EPB41L1: variants seen among roughly 807,000 people sequenced by gnomAD.
EPB41L1 encodes erythrocyte membrane protein band 4.1 like 1.
Under a neutral mutation model 97.8 loss-of-function variants are expected in EPB41L1, and 29 were observed. The ratio of observed to expected loss-of-function variants is 0.30; its 90% CI spans 0.22 to 0.40. The LOEUF (loss-of-function observed/expected upper bound fraction) is 0.40, where lower values mean the gene tolerates loss of function less well. EPB41L1 is among the 10% of genes least tolerant of loss of function. The probability of loss-of-function intolerance (pLI) is 1.00; values close to 1 mark genes in which losing one functional copy is unlikely to be tolerated. For synonymous variants in EPB41L1, 383 were observed against 459.2 expected, an observed-to-expected ratio of 0.83 and a Z score of 2.12; for missense variants, 812 against 1,162.3, an observed-to-expected ratio of 0.70 and a Z score of 4.38.
At chr20:36,219,341 A>G (rs1230747718) in intron 18 of EPB41L1, among the ~76,000 whole-genome samples, 2 of 152,140 alleles carry the variant, frequency 1.3e-5, no homozygotes, top group Non-Finnish European at 2.9e-5. Context: ...AGTGACCCTG[A>G]GTCTGTCACT....
In EPB41L1 at chr20:36,195,236, G is replaced by A; in HGVS notation, c.1450-93G>A. 6.6e-7 allele frequency: 1 copy of A among 1,517,116 alleles called. No individual in the cohort carries two copies. The highest frequency in any genetic ancestry group is 9.1e-7 in the Non-Finnish European group (1 of 1,096,154). 94.0% of individuals were successfully genotyped at this position (1,517,116 alleles called of 1,614,324 possible). ...CACTTGGTCGAGTGTGCGTGCTCTGGGCTCCTTGCTGGACCAAGCCCATCG... is the reference window on the plus strand; with the variant it reads ...CACTTGGTCGAGTGTGCGTGCTCTGAGCTCCTTGCTGGACCAAGCCCATCG... On this transcript the variant is annotated intron_variant, in intron 12 of 21. Coordinates refer to ENST00000338074, the MANE Select transcript of EPB41L1 (RefSeq NM_012156.2). The surrounding 1 kb of genome is among the most constrained non-coding windows in gnomAD (Gnocchi z 4.6).
rs1027378423 is a variant in EPB41L1 at position 36,092,624 on chromosome 20, G to A, written c.-65+1012G>A. 1.3e-5 allele frequency: 2 copies of A among 151,662 alleles called. No homozygotes were observed. Among genetic ancestry groups the A allele is most frequent in the African/African-American group, 4.8e-5 (2 of 41,348 alleles). 9.4% of individuals were successfully genotyped at this position (151,662 alleles called of 1,614,324 possible). On this transcript the variant is annotated intron_variant, in intron 1 of 19. Transcript: ENST00000202028. This position sits in a 1 kb window ranked among gnomAD's most constrained non-coding sequence, Gnocchi z 7.0. ...GGGGAGCCGGCCGGGGCGGGGCGGA[G>A]CGGCGAGAGGGGGTGTGGGGGGCGG...
At chr20:36,203,038 C>T (rs891132847) in intron 14 of EPB41L1, among the ~76,000 whole-genome samples, 1 of 152,150 alleles carries the variant, frequency 6.6e-6, no homozygotes, top group Non-Finnish European at 1.5e-5. Context: ...AGCAAGGCAC[C>T]GACGGTCCCC....
At chr20:36,173,188 G>A (rs540243247) in intron 1 of EPB41L1, among the ~76,000 whole-genome samples, 7 of 152,294 alleles carry the variant, frequency 4.6e-5, no homozygotes, top group African/African-American at 1.2e-4. Context: ...TCAAGCCTGC[G>A]CGTTTTTTTG....
At chr20:36,205,760 T>C (rs1017665962) in intron 14 of EPB41L1, 1 of 1,179,032 alleles carries the variant, frequency 8.5e-7, no homozygotes, top group African/African-American at 1.6e-5. Context: ...CAGTGGTAGA[T>C]TGGTCCCCTC....
intron 6 of EPB41L1, among the ~76,000 whole-genome samples, chr20:36,183,855 G>A (rs2061568099): frequency 6.6e-6 from 1 of 152,116 alleles, no homozygotes; most frequent in African/African-American, 2.4e-5. Context: ...GCACACTGAG[G>A]CTGCACATAC....
intron 5 of EPB41L1, among the ~76,000 whole-genome samples, chr20:36,178,927 G>A (rs1407730722): frequency 5.9e-5 from 9 of 151,948 alleles, no homozygotes; most frequent in Admixed American, 5.9e-4. Context: ...TGGGCGTGGT[G>A]GCGGGTGCTT....
chr20:36,169,906 T>G (rs2060912789), intron 1 of EPB41L1, among the ~76,000 whole-genome samples: 1 of 152,214 alleles, frequency 6.6e-6, no homozygotes, highest in South Asian at 2.1e-4. Context: ...CTTCCCACAC[T>G]GCAGCCAGCT....
At chr20:36,219,738 TG>T (rs1569365703) in intron 18 of EPB41L1, 22 bp from the exon 19 acceptor site, 1 of 1,607,784 alleles carries the variant, frequency 6.2e-7, no homozygotes, top group Non-Finnish European at 8.5e-7. Flanking sequence ...ACACCCTGGG[TG>T]GGGGGTGGTT....
At chr20:36,203,383 G>C (rs960342433) in intron 14 of EPB41L1, among the ~76,000 whole-genome samples, 1 of 152,236 alleles carries the variant, frequency 6.6e-6, no homozygotes, top group Non-Finnish European at 1.5e-5. Flanking sequence ...CTCAGACAAA[G>C]GGCTGGCATT....
intron 12 of EPB41L1, 73 bp downstream of exon 12, chr20:36,194,433 G>T: frequency 6.5e-7 from 1 of 1,541,544 alleles, no homozygotes; most frequent in South Asian, 1.2e-5. Context: ...CCTCGGCCTT[G>T]ACCTTCACAT....
chr20:36,225,999 C>T (rs772737882), intron 21 of EPB41L1, among the ~76,000 whole-genome samples: 1 of 152,212 alleles, frequency 6.6e-6, no homozygotes, highest in Non-Finnish European at 1.5e-5. Context: ...GTAAAGGTCA[C>T]CTTGTTTATG....
At chr20:36,160,539 G>A (rs572166167) in intron 1 of EPB41L1, among the ~76,000 whole-genome samples, 1 of 151,636 alleles carries the variant, frequency 6.6e-6, no homozygotes, top group African/African-American at 2.4e-5. Context: ...GCAGTGAGCC[G>A]AGATTGCGCC....
chr20:36,229,418 C>G lies in EPB41L1; in HGVS notation c.*78C>G. On this transcript the variant is annotated 3_prime_UTR_variant, in exon 22 of 22. Coordinates refer to ENST00000338074, the MANE Select transcript of EPB41L1 (RefSeq NM_012156.2). ...TAAGAAGGGGCCTTCATTCTGGATT[C>G]TCCGACGCAACACTGACGTCCCAGC... The G allele has an allele frequency of 1.4e-6, 2 of 1,467,578 alleles. No homozygotes were observed. Among genetic ancestry groups the G allele is most frequent in the Non-Finnish European group, 1.9e-6 (2 of 1,048,734 alleles). The allele number at this position is 1,467,578 out of a possible 1,614,324, so 90.9% of individuals were successfully genotyped here.
chr20:36,110,580 TAC>T (rs150633888), intron 1 of EPB41L1: 13 of 148,582 alleles, frequency 8.7e-5, no homozygotes, highest in South Asian at 4.2e-4. Context: ...TTGCATTTGT[TAC>T]ACACACACAC....
intron 2 of EPB41L1, among the ~76,000 whole-genome samples, chr20:36,122,143 C>T (rs1239880470): frequency 1.3e-5 from 2 of 152,228 alleles, no homozygotes; most frequent in Non-Finnish European, 2.9e-5. Flanking sequence ...CATTTTATCC[C>T]GATGCTATGG....
rs769375731 is a variant in EPB41L1 at position 36,198,000 on chromosome 20, G to T, written c.1627G>T (p.Ala543Ser). 8.7e-7 allele frequency: 1 copy of T among 1,151,934 alleles called. No homozygotes were observed. Among genetic ancestry groups the T allele is most frequent in the Admixed American group, 1.9e-5 (1 of 53,190 alleles). 71.4% of individuals were successfully genotyped at this position (1,151,934 alleles called of 1,614,324 possible). The stretch of plus-strand genomic sequence containing the variant: ...GGAGCGCAGGCTGCCCTCCTCCCCC[G>T]CCTCCCCCTCCCCCAAGGGCACCCC... ...ERERRLPSSPASPSPKGTPEK... is the reference protein window; with the variant it reads ...ERERRLPSSPSSPSPKGTPEK... Residue 543 changes from alanine to serine, a missense_variant, in exon 14 of 22, where the codon GCC becomes TCC. Ala to Ser is a moderately conservative substitution (Grantham distance 99, BLOSUM62 1). This residue lies in a region of EPB41L1 where 498 missense variants were observed against 622.7 expected (regional missense o/e 0.80). Transcript: ENST00000338074.
In EPB41L1 at chr20:36,218,903, G is replaced by A; in HGVS notation, c.2296G>A (p.Ala766Thr). Residue 766 changes from alanine to threonine, a missense_variant, in exon 18 of 22, where the codon GCA becomes ACA. Ala to Thr is a moderately conservative substitution (Grantham distance 58). This residue lies in a region of EPB41L1 where 498 missense variants were observed against 622.7 expected (regional missense o/e 0.80). Transcript: ENST00000338074. The stretch of plus-strand genomic sequence containing the variant: ...GAACAGTCTCAAGTCCGGGAAGGGG[G>A]CAGCTGCCATGATCCCAGGCCCACA... ...MENSLKSGKG[A>T]AAMIPGPQTV... 6.2e-7 allele frequency: 1 copy of A among 1,614,168 alleles called. No homozygotes were observed. The highest frequency in any genetic ancestry group is 8.5e-7 in the Non-Finnish European group (1 of 1,180,022).
At chr20:36,117,001 G>A (rs992981544) in intron 2 of EPB41L1, among the ~76,000 whole-genome samples, 5 of 152,196 alleles carry the variant, frequency 3.3e-5, no homozygotes, top group African/African-American at 1.2e-4. Flanking sequence ...GTTCAGAGGA[G>A]GAAAATGATG....
Sources: gnomAD v4.1 joint callset for allele counts (sites outside exome capture counted in the v4.1 genomes callset) on GRCh38, gnomAD v4.1.1 for gene constraint, gnomAD v4.1.1 regional missense constraint, Gnocchi (gnomAD v3.1) non-coding constraint, MANE v1.5 for transcripts, NCBI Gene and HGNC (gene_info 2026-07-23, HGNC 2026-07-21) for gene names.